DLGAP1: variants seen among roughly 807,000 people sequenced by gnomAD.
The protein encoded by DLGAP1 is DLG associated protein 1.
In DLGAP1, 11 loss-of-function variants were observed where a neutral mutation model predicts 90.8. The ratio of observed to expected loss-of-function variants is 0.12; its 90% CI spans 0.08 to 0.20. DLGAP1 has a LOEUF of 0.20. DLGAP1 is among the 10% of genes least tolerant of loss of function. DLGAP1 has a pLI of 1.00. For synonymous variants in DLGAP1, 558 were observed against 540.7 expected, an observed-to-expected ratio of 1.03 and a Z score of -0.44; for missense variants, 1,050 against 1,333.8, an observed-to-expected ratio of 0.79 and a Z score of 3.31.
At chr18:3,601,179 C>A (rs1027144864) in intron 7 of DLGAP1, among the ~76,000 whole-genome samples, 1 of 151,766 alleles carries the variant, frequency 6.6e-6, no homozygotes, top group Non-Finnish European at 1.5e-5. Context: ...CTCCACTTCC[C>A]GGGCTAAAGC....
At chr18:4,273,709 A>G (rs1032604411) in intron 1 of DLGAP1, among the ~76,000 whole-genome samples, 4 of 152,250 alleles carry the variant, frequency 2.6e-5, no homozygotes, top group African/African-American at 9.6e-5. Flanking sequence ...AGCTGGGATT[A>G]CAGGCGTGAG....
Position 3,814,259 on chromosome 18 carries a change from T to C in DLGAP1, c.972A>G (p.Glu324=). The change falls in exon 5 of 13, where the codon GAA becomes GAG. Residue 324 remains glutamate (E), a synonymous_variant. Transcript: ENST00000315677. ...TACCTCGTGGGGTGTACCCTGTCCA[T>C]TCATCTTGTGGAACCTATTCAGATA... ...SCQYLQVPQD[E]WTGYTPRGKD... is the part of the protein sequence containing the mutation. The C allele has an allele frequency of 6.2e-7, 1 of 1,614,166 alleles. No individual in the cohort carries two copies. Among genetic ancestry groups the C allele is most frequent in the Non-Finnish European group, 8.5e-7 (1 of 1,180,000 alleles).
At chr18:4,319,261 C>A (rs374675389) in intron 1 of DLGAP1, among the ~76,000 whole-genome samples, 1 of 152,162 alleles carries the variant, frequency 6.6e-6, no homozygotes, top group Non-Finnish European at 1.5e-5. Context: ...AATGTATCAC[C>A]TCTGGAACAA....
intron 3 of DLGAP1, among the ~76,000 whole-genome samples, chr18:3,892,562 G>A (rs1007498896): frequency 6.6e-6 from 1 of 152,118 alleles, no homozygotes; most frequent in Non-Finnish European, 1.5e-5. Context: ...GGAGATGATA[G>A]GCTTCATCTA....
At chr18:3,978,399 A>C (rs905291331) in intron 3 of DLGAP1, 1 of 321,792 alleles carries the variant, frequency 3.1e-6, no homozygotes, top group Admixed American at 3.4e-5. Flanking sequence ...TGAGTGATGC[A>C]GTTTCCATTG....
chr18:3,923,708 G>A (rs1198979820), intron 3 of DLGAP1, among the ~76,000 whole-genome samples: 4 of 151,900 alleles, frequency 2.6e-5, no homozygotes, highest in African/African-American at 7.3e-5. Context: ...AATTTCTATC[G>A]TGTGTCACTC....
chr18:4,055,737 T>C (rs1311426243), intron 2 of DLGAP1, among the ~76,000 whole-genome samples: 7 of 152,202 alleles, frequency 4.6e-5, no homozygotes, highest in Admixed American at 2.6e-4. Flanking sequence ...ACTGTACTAA[T>C]GCTGCCACAG....
intron 9 of DLGAP1, among the ~76,000 whole-genome samples, chr18:3,538,032 A>C (rs1188496978): frequency 6.6e-6 from 1 of 152,260 alleles, no homozygotes; most frequent in African/African-American, 2.4e-5. Flanking sequence ...GAAGCCAATA[A>C]AAACTAATAT....
At chr18:4,311,660 A>T (rs2080400544) in intron 1 of DLGAP1, among the ~76,000 whole-genome samples, 1 of 152,026 alleles carries the variant, frequency 6.6e-6, no homozygotes, top group South Asian at 2.1e-4. Flanking sequence ...TGTACTACTG[A>T]TACTTAATTC....
chr18:4,029,423 T>A (rs1319257614), intron 2 of DLGAP1, among the ~76,000 whole-genome samples: 1 of 152,212 alleles, frequency 6.6e-6, no homozygotes, highest in African/African-American at 2.4e-5. Flanking sequence ...CCTTCCATAT[T>A]GCTTTCCATA....
At chr18:4,381,641 A>G (rs940068085) in intron 1 of DLGAP1, among the ~76,000 whole-genome samples, 10 of 152,122 alleles carry the variant, frequency 6.6e-5, no homozygotes, top group Non-Finnish European at 1.3e-4. Flanking sequence ...CTCCTTTGAC[A>G]TTTAACCTTC....
intron 7 of DLGAP1, among the ~76,000 whole-genome samples, chr18:3,648,951 T>C (rs1200028703): frequency 2.0e-5 from 3 of 152,218 alleles, no homozygotes. Flanking sequence ...GTTATGCTAA[T>C]TTGTTGTTAA....
intron 2 of DLGAP1, among the ~76,000 whole-genome samples, chr18:4,023,348 T>C (rs926694656): frequency 3.3e-5 from 5 of 152,206 alleles, no homozygotes; most frequent in Admixed American, 1.3e-4. Flanking sequence ...AGGAAAACTT[T>C]GGGCTTTCCT....
chr18:4,084,057 C>T lies in DLGAP1; in HGVS notation c.-159+67123G>A, dbSNP rs938557937. Among the ~76,000 whole-genome samples the T allele has an allele frequency of 3.3e-5, 5 of 152,000 alleles. No homozygotes were observed. The highest frequency in any genetic ancestry group is 2.1e-4 in the South Asian group (1 of 4,816). Reference sequence around the variant, plus strand: ...CCAGAAGATGGATGGGAGCCAGAAGCGGGATGGAGTGGGAACAATCTCCCA... The same window carrying T: ...CCAGAAGATGGATGGGAGCCAGAAGTGGGATGGAGTGGGAACAATCTCCCA... On this transcript the variant is annotated intron_variant, in intron 2 of 12. Coordinates refer to ENST00000315677, the MANE Select transcript of DLGAP1 (RefSeq NM_004746.4). The surrounding 1 kb of genome is among the most constrained non-coding windows in gnomAD (Gnocchi z 4.0).
At chr18:4,108,410 A>C (rs1568401231) in intron 2 of DLGAP1, among the ~76,000 whole-genome samples, 1 of 152,096 alleles carries the variant, frequency 6.6e-6, no homozygotes, top group Non-Finnish European at 1.5e-5. Context: ...GTCAGGTAAA[A>C]TTTATATTAA....
intron 4 of DLGAP1, among the ~76,000 whole-genome samples, chr18:3,821,090 G>A (rs2148482292): frequency 6.6e-6 from 1 of 152,174 alleles, no homozygotes; most frequent in Non-Finnish European, 1.5e-5. Context: ...TTTGAGACCG[G>A]CCTAGGCAAC....
intron 1 of DLGAP1, among the ~76,000 whole-genome samples, chr18:4,347,677 A>G (rs2081324559): frequency 6.6e-6 from 1 of 152,068 alleles, no homozygotes; most frequent in Non-Finnish European, 1.5e-5. Flanking sequence ...TTAAAAATAT[A>G]TATTTGTCAA....
chr18:4,052,314 A>C (rs1302329015), intron 2 of DLGAP1, among the ~76,000 whole-genome samples: 1 of 152,132 alleles, frequency 6.6e-6, no homozygotes, highest in Non-Finnish European at 1.5e-5. Flanking sequence ...AGGCATTTCC[A>C]TATGTCCTTT....
rs185236605 is a variant in DLGAP1, at chr18:4,087,290, C to T, written c.-159+63890G>A. Among the ~76,000 whole-genome samples the T allele has an allele frequency of 3.8e-3, 585 of 152,030 alleles. 3 individuals carry two copies. The highest frequency in any genetic ancestry group is 0.013 in the African/African-American group (554 of 41,420). On this transcript the variant is annotated intron_variant, in intron 2 of 12. Transcript: ENST00000315677. The stretch of plus-strand genomic sequence containing the variant: ...AAACTGGCCATAAACAAAATCTCTG[C>T]AGCACTGTGACATGCTTATGATGGC...
Sources: gnomAD v4.1 joint callset for allele counts (sites outside exome capture counted in the v4.1 genomes callset) on GRCh38, gnomAD v4.1.1 for gene constraint, Gnocchi (gnomAD v3.1) non-coding constraint, MANE v1.5 for transcripts, NCBI Gene and HGNC (gene_info 2026-07-23, HGNC 2026-07-21) for gene names.